The following MRPS2 variants were observed in gnomAD, a reference collection of about 807,000 sequenced individuals.
MRPS2 encodes the protein mitochondrial ribosomal protein S2.
A neutral mutation model predicts 18.9 loss-of-function variants in MRPS2; 13 were observed. The observed-to-expected ratio is 0.69, with a 90% CI of 0.45 to 1.09. The LOEUF (loss-of-function observed/expected upper bound fraction) is 1.09, where lower values mean the gene tolerates loss of function less well. MRPS2 is among the 50% of genes least tolerant of loss of function. MRPS2 has a pLI of 0.00. For missense variants in MRPS2, 389 were observed against 421.7 expected, an observed-to-expected ratio of 0.92 and a Z score of 0.68; for synonymous variants, 186 against 178.4, an observed-to-expected ratio of 1.04 and a Z score of -0.34.
chr9:135,503,007 G>A (rs933673731), intron 3 of MRPS2: 5 of 708,228 alleles, frequency 7.1e-6, no homozygotes, highest in Middle Eastern at 7.3e-4. Context: ...GTCACGCACC[G>A]AGAGGCGGGG....
intron 2 of MRPS2, chr9:135,501,577 G>A (rs1831136801): frequency 1.7e-6 from 2 of 1,150,338 alleles, no homozygotes; most frequent in Middle Eastern, 3.3e-4. Context: ...TTTCTCCTCT[G>A]TCTTCCAAGT....
chr9:135,502,343 C>A (rs1345347003), intron 3 of MRPS2: 323 of 323,578 alleles, frequency 1.0e-3, no homozygotes, highest in Non-Finnish European at 1.4e-3. Flanking sequence ...CTCACATGGT[C>A]ATTTTGACTG....
intron 2 of MRPS2, chr9:135,501,597 G>A: frequency 7.9e-7 from 1 of 1,266,584 alleles, no homozygotes; most frequent in East Asian, 3.3e-5. Flanking sequence ...TAAGACCAAG[G>A]GACGGGGTTG....
In MRPS2 at chr9:135,503,736, ACGCCCACACT is replaced by A. The variant is rs1010178601; in HGVS notation, c.498_507del (p.His167ThrfsTer7). On this transcript the variant is annotated frameshift_variant, in exon 4 of 4. Coordinates refer to ENST00000241600, the MANE Select transcript of MRPS2 (RefSeq NM_016034.5). LOFTEE classifies it high-confidence loss of function. ...AACATGGCCCGTGACTGTGGCGAGTACGCCCACACTCGCTACTTCAGGGGCGGCATGCTGA... is the reference window on the plus strand; with the variant it reads ...AACATGGCCCGTGACTGTGGCGAGTACGCTACTTCAGGGGCGGCATGCTGA... 1 of 1,613,072 alleles carries A rather than the reference ACGCCCACACT, an allele frequency of 6.2e-7. No individual in the cohort carries two copies. Among genetic ancestry groups the A allele is most frequent in the Non-Finnish European group, 8.5e-7 (1 of 1,180,004 alleles).
rs1404568794 is a variant in MRPS2, at chr9:135,503,919, A to C, written c.677A>C (p.Asn226Thr). ...NIPTVGIVDT[N>T]CNPCLITYPV... ...CCCACAGTGGGCATCGTGGACACCA[A>C]CTGCAACCCCTGCCTCATCACCTAC... is the stretch of plus-strand genomic sequence containing the variant. The change falls in exon 4 of 4, where the codon AAC (asparagine) becomes ACC (threonine). Residue 226 changes from asparagine (N) to threonine (T), a missense_variant. Coordinates refer to ENST00000241600, the MANE Select transcript of MRPS2 (RefSeq NM_016034.5). The C allele has an allele frequency of 3.7e-6, 6 of 1,613,958 alleles. No individual in the cohort carries two copies. Among genetic ancestry groups the C allele is most frequent in the East Asian group, 2.2e-5 (1 of 44,866 alleles).
At chr9:135,502,434 G>A (rs1343751987) in intron 3 of MRPS2, among the ~76,000 whole-genome samples, 1 of 152,206 alleles carries the variant, frequency 6.6e-6, no homozygotes, top group Admixed American at 6.5e-5. Flanking sequence ...AGGTGGCGGG[G>A]CTTAAATCGC....
chr9:135,502,373 G>T, intron 3 of MRPS2: 122 of 415,054 alleles, frequency 2.9e-4, no homozygotes, highest in Middle Eastern at 4.0e-4. Context: ...GAGGGGATGG[G>T]AGGGGCAGGT....
At chr9:135,501,251 A>C in intron 2 of MRPS2, 128 bp downstream of exon 2, 1 of 1,430,684 alleles carries the variant, frequency 7.0e-7, no homozygotes, top group Non-Finnish European at 9.1e-7. Context: ...GGCTCCTCCC[A>C]CTCCCGTGCT....
chr9:135,500,768 G>A lies in MRPS2; in HGVS notation c.43+15G>A. 6.8e-7 allele frequency: 1 copy of A among 1,475,102 alleles called. No homozygotes were observed. 91.4% of individuals were successfully genotyped at this position (1,475,102 alleles called of 1,614,324 possible). A position where few individuals can be genotyped will look rare whatever the true frequency, so the allele number is the denominator to read the frequency against. On this transcript the variant is annotated intron_variant, in intron 1 of 3. Transcript: ENST00000241600. ...ACTCGGCGCGGGTGAGCGCGCGCTT[G>A]CGGGACCCTGGGGAGGAGCATGCGA...
At position 135,504,183 on chromosome 9, in the gene MRPS2, G is replaced by GGAAGGGGACTCCCAGCTC; in HGVS notation, c.*50_*51insGAAGGGGACTCCCAGCTC. Reference sequence around the variant, plus strand: ...CCACAGCCAAGCCTGTCTGAGCTGGGAGTCCCCTTCCCCAGCCCTGGGTCA... The same window carrying GGAAGGGGACTCCCAGCTC: ...CCACAGCCAAGCCTGTCTGAGCTGGGGAAGGGGACTCCCAGCTCAGTCCCCTTCCCCAGCCCTGGGTCA... On this transcript the variant is annotated 3_prime_UTR_variant, in exon 4 of 4. Coordinates refer to ENST00000241600, the MANE Select transcript of MRPS2 (RefSeq NM_016034.5). This position sits in a 1 kb window ranked among gnomAD's most constrained non-coding sequence, Gnocchi z 4.3. 1 of 1,478,716 alleles carries GGAAGGGGACTCCCAGCTC rather than the reference G, an allele frequency of 6.8e-7. No homozygotes were observed. The highest frequency in any genetic ancestry group is 9.0e-7 in the Non-Finnish European group (1 of 1,112,462). The allele number at this position is 1,478,716 out of a possible 1,614,324, so 91.6% of individuals were successfully genotyped here. A position where few individuals can be genotyped will look rare whatever the true frequency, so the allele number is the denominator to read the frequency against.
chr9:135,502,416 C>A, intron 3 of MRPS2: 2 of 467,988 alleles, frequency 4.3e-6, no homozygotes, highest in South Asian at 5.5e-5. Flanking sequence ...TGTGGGCGTT[C>A]AGGGTGAAGG....
intron 2 of MRPS2, chr9:135,501,324 A>T: frequency 7.1e-7 from 1 of 1,402,846 alleles, no homozygotes; most frequent in African/African-American, 1.5e-5. Context: ...CACCATGGAT[A>T]GGGTGAGAGG....
chr9:135,501,153 G>A, intron 2 of MRPS2, 30 bp downstream of exon 2: 1 of 1,561,692 alleles, frequency 6.4e-7, no homozygotes, highest in South Asian at 1.2e-5. Context: ...CGAGTTGGGT[G>A]GGAACGAGGA....
In MRPS2 at chr9:135,500,769, C is replaced by T. The variant is rs1345014754; in HGVS notation, c.43+16C>T. 6.8e-7 allele frequency: 1 copy of T among 1,474,784 alleles called. No homozygotes were observed. Among genetic ancestry groups the T allele is most frequent in the Non-Finnish European group, 8.9e-7 (1 of 1,119,460 alleles). The allele number at this position is 1,474,784 out of a possible 1,614,324, so 91.4% of individuals were successfully genotyped here. A position where few individuals can be genotyped will look rare whatever the true frequency, so the allele number is the denominator to read the frequency against. ...CTCGGCGCGGGTGAGCGCGCGCTTG[C>T]GGGACCCTGGGGAGGAGCATGCGAG... On this transcript the variant is annotated intron_variant, in intron 1 of 3. Transcript: ENST00000241600.
At chr9:135,500,941 G>C (rs770473197) in intron 1 of MRPS2, 57 bp from the exon 2 acceptor site, 18 of 1,601,724 alleles carry the variant, frequency 1.1e-5, no homozygotes, top group Admixed American at 1.7e-5. Flanking sequence ...ATGCGGTGGG[G>C]AGCGGGCGTG....
Position 135,503,784 on chromosome 9 carries a change from T to A in MRPS2, c.542T>A (p.Leu181His). The change falls in exon 4 of 4, where the codon CTC (leucine) becomes CAC (histidine). Residue 181 changes from leucine (L) to histidine (H), a missense_variant. Coordinates refer to ENST00000241600, the MANE Select transcript of MRPS2 (RefSeq NM_016034.5). ...FRGGMLTNAR[L>H]LFGPTVRLPD... ...GGCGGCATGCTGACCAACGCGCGCC[T>A]CCTCTTTGGCCCCACGGTCCGCCTG... 2 of 1,612,922 alleles carry A rather than the reference T, an allele frequency of 1.2e-6. No individual in the cohort carries two copies. The highest frequency in any genetic ancestry group is 2.7e-5 in the African/African-American group (2 of 75,030).
chr9:135,500,565 C>T, upstream of MRPS2: 1 of 885,312 alleles, frequency 1.1e-6, no homozygotes. Flanking sequence ...GCCCCGCCCC[C>T]GCAGGGAGGT....
chr9:135,502,011 A>T (rs752059042), intron 3 of MRPS2, 38 bp downstream of exon 3: 2 of 1,612,162 alleles, frequency 1.2e-6, no homozygotes, highest in East Asian at 4.5e-5. Flanking sequence ...GGCGGTTCCC[A>T]GGAGGAACCT....
chr9:135,500,864 A>G (rs1831095889), intron 1 of MRPS2, 111 bp downstream of exon 1: 1 of 1,514,636 alleles, frequency 6.6e-7, no homozygotes, highest in African/African-American at 1.4e-5. Flanking sequence ...GCGAGCGCGG[A>G]GGGGACTCGG....
Sources: gnomAD v4.1 joint callset for allele counts (sites outside exome capture counted in the v4.1 genomes callset) on GRCh38, gnomAD v4.1.1 for gene constraint, Gnocchi (gnomAD v3.1) non-coding constraint, MANE v1.5 for transcripts, NCBI Gene and HGNC (gene_info 2026-07-23, HGNC 2026-07-21) for gene names.